Variants in PSMG4 observed in about 807,000 individuals in gnomAD.
The protein encoded by PSMG4 is proteasome assembly chaperone 4, also known as proteasome (prosome, macropain) assembly chaperone 4.
A neutral mutation model predicts 11.0 loss-of-function variants in PSMG4; 10 were observed. The ratio of observed to expected loss-of-function variants is 0.91; its 90% CI spans 0.56 to 1.54. The LOEUF is 1.54. Among genes scored for constraint, PSMG4 ranks in the 40% most tolerant of loss-of-function variants. The pLI, the probability that PSMG4 is intolerant of heterozygous loss-of-function variation, is 0.00. For synonymous variants in PSMG4, 95 were observed against 71.3 expected (o/e 1.33, Z -1.68); for missense variants, 198 against 160.9 (o/e 1.23, Z -1.25).
chr6:3,255,537 G>C (rs957671229), upstream of PSMG4, among the ~76,000 whole-genome samples: 1 of 152,126 alleles, frequency 6.6e-6, no homozygotes. Context: ...AGTCTGTATA[G>C]ACTCCAACCT....
At chr6:3,263,645 G>T (rs934099958) in intron 1 of PSMG4, 39 bp from the exon 2 acceptor site, 40 of 1,482,298 alleles carry the variant, frequency 2.7e-5, no homozygotes, top group Non-Finnish European at 3.6e-5. Context: ...GCCTGCGGGG[G>T]GTGGAGAAGC....
At chr6:3,257,891 A>T (rs766065821), upstream of PSMG4, among the ~76,000 whole-genome samples, 2 of 152,274 alleles carry the variant, frequency 1.3e-5, no homozygotes, top group Non-Finnish European at 2.9e-5. Flanking sequence ...CTGTTAAAAT[A>T]TTGACCTGAA....
At chr6:3,264,539 C>A (rs1758113008) in intron 2 of PSMG4, 2 of 940,174 alleles carry the variant, frequency 2.1e-6, no homozygotes, top group East Asian at 2.9e-5. Flanking sequence ...AATAGCATGG[C>A]ACCTGGCCCA....
chr6:3,255,520 G>A (rs990854072), upstream of PSMG4, among the ~76,000 whole-genome samples: 2 of 152,108 alleles, frequency 1.3e-5, no homozygotes, highest in African/African-American at 4.8e-5. Flanking sequence ...ATTCCCCACT[G>A]CCCATGAGTC....
upstream of PSMG4, among the ~76,000 whole-genome samples, chr6:3,258,361 C>T (rs577091052): frequency 6.6e-6 from 1 of 152,326 alleles, no homozygotes; most frequent in Non-Finnish European, 1.5e-5. Flanking sequence ...AGGGTGCCTG[C>T]CCATCCTCCT....
intron 1 of PSMG4, among the ~76,000 whole-genome samples, chr6:3,259,835 C>T (rs1021128115): frequency 6.6e-6 from 1 of 152,238 alleles, no homozygotes; most frequent in African/African-American, 2.4e-5. Context: ...CATTTCCCCT[C>T]CTCTCCCGCC....
chr6:3,259,451 G>C (rs1472243263), intron 1 of PSMG4, among the ~76,000 whole-genome samples: 1 of 152,234 alleles, frequency 6.6e-6, no homozygotes, highest in Non-Finnish European at 1.5e-5. Context: ...CTGTAGGTCA[G>C]AATGTCTTGG....
chr6:3,259,221 C>T (rs1561839913), intron 1 of PSMG4, 25 bp downstream of exon 1: 4 of 1,198,874 alleles, frequency 3.3e-6, no homozygotes, highest in East Asian at 4.0e-5. Context: ...GCCGAGGGTG[C>T]GGGCGGCGGG....
chr6:3,254,538 A>C (rs1196906749), upstream of PSMG4, among the ~76,000 whole-genome samples: 1 of 151,638 alleles, frequency 6.6e-6, no homozygotes, highest in Admixed American at 6.6e-5. Context: ...AATTATCTGG[A>C]AGGTGTGCAG....
At position 3,259,366 on chromosome 6, in the gene PSMG4, A is replaced by T. The variant is rs368743602; in HGVS notation, c.174+170A>T. 4.6e-5 allele frequency among the ~76,000 whole-genome samples: 7 copies of T among 151,998 alleles called. No homozygotes were observed. In the East Asian group the frequency reaches 7.8e-4, roughly 17 times the overall value. On this transcript the variant is annotated intron_variant, in intron 1 of 2. Coordinates refer to ENST00000438998, the MANE Select transcript of PSMG4 (RefSeq NM_001128591.2). Reference sequence around the variant, plus strand: ...GCCCGCGGGCGCCAGGGCCTGCACCACCTCGGGAGCTGCGCGCGGGCCCCG... The same window carrying T: ...GCCCGCGGGCGCCAGGGCCTGCACCTCCTCGGGAGCTGCGCGCGGGCCCCG...
chr6:3,267,561 T>C, intron 2 of PSMG4, 30 bp from the exon 3 acceptor site: 7 of 1,548,130 alleles, frequency 4.5e-6, no homozygotes, highest in Non-Finnish European at 6.1e-6. Flanking sequence ...ATTTCAGGAG[T>C]GGCTGTATCA....
In PSMG4 at chr6:3,260,291, A is replaced by ATATTTTTTTTTT; in HGVS notation, c.174+1096_174+1097insATTTTTTTTTTT. On this transcript the variant is annotated intron_variant, in intron 1 of 2. Transcript: ENST00000438998. ...TGTCTTAAATTGTATATATATATATATTTTTTTTTTTTTTTTTTGAAGCAA... is the reference window on the plus strand; with the variant it reads ...TGTCTTAAATTGTATATATATATATATATTTTTTTTTTTTTTTTTTTTTTTTTTTTGAAGCAA... 1.8e-3 allele frequency among the ~76,000 whole-genome samples: 126 copies of ATATTTTTTTTTT among 70,848 alleles called. 1 individual carries two copies. Among genetic ancestry groups the ATATTTTTTTTTT allele is most frequent in the Non-Finnish European group, 2.4e-3 (95 of 39,604 alleles). The allele number at this position is 70,848 out of a possible 152,430, so 46.5% of individuals were successfully genotyped here. A position where few individuals can be genotyped will look rare whatever the true frequency, so the allele number is the denominator to read the frequency against.
chr6:3,255,713 G>A (rs1234122937), upstream of PSMG4, among the ~76,000 whole-genome samples: 2 of 152,252 alleles, frequency 1.3e-5, no homozygotes, highest in African/African-American at 4.8e-5. Context: ...AGGAACTGAA[G>A]AAGGGGTATT....
chr6:3,256,953 A>AG (rs35508709), upstream of PSMG4, among the ~76,000 whole-genome samples: 103,753 of 151,894 alleles, frequency 0.68, 38,693 homozygotes, highest in Non-Finnish European at 0.83. Context: ...ACAGATAATG[A>AG]GGGGGGTTCC....
chr6:3,267,345 C>T (rs1758232611), intron 2 of PSMG4: 1 of 333,798 alleles, frequency 3.0e-6, no homozygotes, highest in Non-Finnish European at 5.7e-6. Flanking sequence ...GAACAAGTTC[C>T]AGGGAGGCTG....
intron 2 of PSMG4, chr6:3,264,754 GAAGA>G (rs1261900329): frequency 1.3e-5 from 2 of 155,264 alleles, no homozygotes; most frequent in South Asian, 2.0e-4. Flanking sequence ...AAGTTGCAAA[GAAGA>G]TAGAATTCCT....
At chr6:3,257,576 C>G (rs539182847), upstream of PSMG4, among the ~76,000 whole-genome samples, 3 of 152,110 alleles carry the variant, frequency 2.0e-5, no homozygotes, top group Admixed American at 2.0e-4. Flanking sequence ...AATACAAAGA[C>G]ACAAGCCATT....
At chr6:3,254,514 T>G (rs1387884013), upstream of PSMG4, among the ~76,000 whole-genome samples, 2 of 152,114 alleles carry the variant, frequency 1.3e-5, no homozygotes, top group South Asian at 2.1e-4. Context: ...TGTGTTGGGT[T>G]TATGAGCTGT....
chr6:3,266,302 T>A (rs72847888), intron 2 of PSMG4: 2,811 of 152,290 alleles, frequency 0.018, 34 homozygotes, highest in Non-Finnish European at 0.031. Context: ...AGGACAGAAC[T>A]GCTGCCCAGA....
Sources: gnomAD v4.1 joint callset for allele counts (sites outside exome capture counted in the v4.1 genomes callset) on GRCh38, gnomAD v4.1.1 for gene constraint, MANE v1.5 for transcripts, NCBI Gene and HGNC (gene_info 2026-07-23, HGNC 2026-07-21) for gene names.